TNS3: variants seen among roughly 807,000 people sequenced by gnomAD.
TNS3 encodes tensin 3, also known as tensin-3.
A neutral mutation model predicts 140.9 loss-of-function variants in TNS3; 45 were observed. The ratio of observed to expected loss-of-function variants is 0.32; its 90% CI spans 0.25 to 0.41. TNS3 has a LOEUF of 0.41. Ranked by LOEUF, TNS3 falls within the 10% of genes least tolerant of loss-of-function variation. TNS3 has a pLI of 1.00. For synonymous variants in TNS3, 815 were observed against 788.4 expected (o/e 1.03, Z -0.56); for missense variants, 1,716 against 1,906.7 (o/e 0.90, Z 1.86).
intron 20 of TNS3, among the ~76,000 whole-genome samples, chr7:47,312,684 G>A (rs996192525): frequency 1.4e-5 from 2 of 142,020 alleles, no homozygotes; most frequent in Non-Finnish European, 3.0e-5. Flanking sequence ...GCCTGGGCGA[G>A]AGAGCAAAAC....
chr7:47,433,322 A>C (rs1313964424), intron 8 of TNS3, among the ~76,000 whole-genome samples: 1 of 152,244 alleles, frequency 6.6e-6, no homozygotes, highest in East Asian at 1.9e-4. Context: ...AAGAGGGCTT[A>C]TCTCTCAGGG....
intron 1 of TNS3, among the ~76,000 whole-genome samples, chr7:47,576,240 A>G (rs922004615): frequency 6.6e-6 from 1 of 152,184 alleles, no homozygotes; most frequent in African/African-American, 2.4e-5. Context: ...CCCTGGGGCC[A>G]TGGAAATTCA....
rs111763442 is a variant in TNS3, at chr7:47,500,168, G to T, written c.-115+6739C>A. 9.9e-3 allele frequency among the ~76,000 whole-genome samples: 1,512 copies of T among 152,250 alleles called. 15 individuals carry two copies. Among genetic ancestry groups the T allele is most frequent in the African/African-American group, 0.034 (1,429 of 41,530 alleles). On this transcript the variant is annotated intron_variant, in intron 3 of 30. Coordinates refer to ENST00000311160, the MANE Select transcript of TNS3 (RefSeq NM_022748.12). The stretch of plus-strand genomic sequence containing the variant: ...TCTGGCAGAATCAGACTCTCATTTC[G>T]TCCTGTGGGGCTGCAGACAGAAGCT...
At position 47,292,922 on chromosome 7, in the gene TNS3, C is replaced by T; in HGVS notation, c.3773-17G>A. The T allele has an allele frequency of 6.2e-7, 1 of 1,613,154 alleles. No homozygotes were observed. The highest frequency in any genetic ancestry group is 8.5e-7 in the Non-Finnish European group (1 of 1,179,390). On this transcript the variant is annotated splice_polypyrimidine_tract_variant and intron_variant, in intron 25 of 30. Transcript: ENST00000311160. ...TCAGGCTCCCTGCAAAGTGGACAGA[C>T]AGCAAACAAGAGTCAACAACTGCTG...
At chr7:47,554,310 C>T (rs936804184) in intron 1 of TNS3, among the ~76,000 whole-genome samples, 2 of 150,526 alleles carry the variant, frequency 1.3e-5, no homozygotes, top group African/African-American at 4.9e-5. Flanking sequence ...CCCAGCTACT[C>T]GGGAGGCCGA....
intron 8 of TNS3, among the ~76,000 whole-genome samples, chr7:47,433,732 G>A (rs1795034674): frequency 6.6e-6 from 1 of 152,300 alleles, no homozygotes; most frequent in African/African-American, 2.4e-5. Flanking sequence ...CACAGCTCAG[G>A]AATGCTGCTT....
chr7:47,457,983 G>A (rs1796326881), intron 4 of TNS3, among the ~76,000 whole-genome samples: 1 of 152,124 alleles, frequency 6.6e-6, no homozygotes, highest in African/African-American at 2.4e-5. Flanking sequence ...CTGGGAAGAG[G>A]ACATAGTCTG....
intron 3 of TNS3, among the ~76,000 whole-genome samples, chr7:47,505,614 T>G (rs1235304529): frequency 1.2e-4 from 18 of 152,306 alleles, no homozygotes; most frequent in Admixed American, 1.2e-3. Context: ...CCCTGTGCCA[T>G]CCTCTCTGCT....
intron 3 of TNS3, among the ~76,000 whole-genome samples, chr7:47,496,583 T>C (rs957731077): frequency 9.2e-5 from 14 of 152,106 alleles, no homozygotes; most frequent in Non-Finnish European, 1.5e-5. Flanking sequence ...CCAGAACGTG[T>C]TTCAAGAGAA....
intron 17 of TNS3, among the ~76,000 whole-genome samples, chr7:47,363,027 CCAT>C (rs1348034103): frequency 0.07 from 7 of 100 alleles, no homozygotes; most frequent in Non-Finnish European, 0.13. Context: ...AGGGTCATCA[CCAT>C]CACCATCAAC....
chr7:47,316,566 T>A (rs1039884769), intron 20 of TNS3, among the ~76,000 whole-genome samples: 2 of 151,134 alleles, frequency 1.3e-5, no homozygotes, highest in Non-Finnish European at 1.5e-5. Flanking sequence ...TTTTTTTTTT[T>A]AAAGTCCTTA....
At chr7:47,461,853 G>C (rs535528240) in intron 4 of TNS3, among the ~76,000 whole-genome samples, 34 of 152,334 alleles carry the variant, frequency 2.2e-4, no homozygotes, top group Middle Eastern at 6.8e-3. Flanking sequence ...AATTTCTGTA[G>C]GGCAGCTGGG....
intron 1 of TNS3, among the ~76,000 whole-genome samples, chr7:47,547,972 T>C (rs1304810841): frequency 3.3e-5 from 5 of 152,170 alleles, no homozygotes; most frequent in Admixed American, 3.3e-4. Flanking sequence ...GCGATCTCAG[T>C]TCACTGCAAC....
chr7:47,333,921 T>C (rs1211205935), intron 20 of TNS3, among the ~76,000 whole-genome samples: 2 of 152,210 alleles, frequency 1.3e-5, no homozygotes, highest in Admixed American at 1.3e-4. Context: ...ATACCATGCA[T>C]GGCACACACA....
chr7:47,397,241 T>C (rs17626611), intron 15 of TNS3, among the ~76,000 whole-genome samples: 24,324 of 151,986 alleles, frequency 0.16, 2,118 homozygotes, highest in African/African-American at 0.18. Flanking sequence ...AGCCTCAGAG[T>C]CCACAGATTT....
chr7:47,299,616 A>G (rs1786264623), intron 23 of TNS3, among the ~76,000 whole-genome samples: 1 of 152,156 alleles, frequency 6.6e-6, no homozygotes, highest in Non-Finnish European at 1.5e-5. Flanking sequence ...TGGAGGGAAC[A>G]CGGGCTTTGC....
intron 1 of TNS3, among the ~76,000 whole-genome samples, chr7:47,578,496 G>C (rs1165638370): frequency 6.6e-6 from 1 of 151,886 alleles, no homozygotes; most frequent in African/African-American, 2.4e-5. Flanking sequence ...CTCCCAGCGA[G>C]GGTAGGAGGC....
intron 4 of TNS3, chr7:47,470,455 G>C (rs1796904879): frequency 1.0e-6 from 1 of 985,276 alleles, no homozygotes; most frequent in East Asian, 1.1e-4. Flanking sequence ...GATTTTTCTT[G>C]TCTGCTGCAG....
intron 4 of TNS3, among the ~76,000 whole-genome samples, chr7:47,453,613 A>G (rs1796121365): frequency 6.6e-6 from 1 of 152,264 alleles, no homozygotes; most frequent in East Asian, 1.9e-4. Flanking sequence ...TTTTAAAATA[A>G]AAACCAAACC....
Sources: gnomAD v4.1 joint callset for allele counts (sites outside exome capture counted in the v4.1 genomes callset) on GRCh38, gnomAD v4.1.1 for gene constraint, MANE v1.5 for transcripts, NCBI Gene and HGNC (gene_info 2026-07-23, HGNC 2026-07-21) for gene names.